The following WDR88 variants were observed in gnomAD, a reference collection of about 807,000 sequenced individuals.
The protein encoded by WDR88 is WD repeat domain 88.
A neutral mutation model predicts 46.8 loss-of-function variants in WDR88; 40 were observed. That is an observed-to-expected ratio of 0.86 (90% CI 0.66 to 1.11). The LOEUF (loss-of-function observed/expected upper bound fraction) is 1.11. Ranked by LOEUF, WDR88 falls within the 50% of genes most tolerant of loss-of-function variation. The pLI is 0.00. For missense variants in WDR88, 562 were observed against 602.4 expected, an observed-to-expected ratio of 0.93 and a Z score of 0.70; for synonymous variants, 235 against 240.7, an observed-to-expected ratio of 0.98 and a Z score of 0.22.
At chr19:33,157,637 ATATG>A (rs1350290632) in intron 7 of WDR88, among the ~76,000 whole-genome samples, 3 of 139,346 alleles carry the variant, frequency 2.2e-5, no homozygotes, top group South Asian at 4.6e-4. Context: ...GTATGTGTAT[ATATG>A]TGTGTGTGTA....
intron 6 of WDR88, among the ~76,000 whole-genome samples, chr19:33,153,190 A>G (rs1296470641): frequency 6.6e-6 from 1 of 150,850 alleles, no homozygotes; most frequent in Non-Finnish European, 1.5e-5. Context: ...AGCTGAGACT[A>G]CAGGTGCACA....
chr19:33,133,171 A>ATAAG (rs903129885), intron 1 of WDR88, among the ~76,000 whole-genome samples: 1 of 92,538 alleles, frequency 1.1e-5, no homozygotes, highest in African/African-American at 3.7e-5. Context: ...AAATAAATAA[A>ATAAG]TAAATAAATA....
At chr19:33,169,666 C>CAA (rs33941385) in intron 9 of WDR88, among the ~76,000 whole-genome samples, 93 of 81,598 alleles carry the variant, frequency 1.1e-3, no homozygotes, top group African/African-American at 1.3e-3. Flanking sequence ...GACCCAGTCT[C>CAA]AAAAAAAAAA....
In WDR88 at chr19:33,164,249, T is replaced by G. The variant is rs956691814; in HGVS notation, c.1133T>G (p.Ile378Ser). The change falls in exon 9 of 11, where the codon ATC (isoleucine) becomes AGC (serine). Residue 378 changes from isoleucine (I) to serine (S), a missense_variant. Physicochemically the swap from Ile to Ser is moderately radical, Grantham distance 142. Transcript: ENST00000355868. ...GCCATTAGCAACAACAAGAAATGGA[T>G]CCTGTCTGCTTCCAAGGTAAAAGTG... ...DVAISNNKKWILSASKDRTMR... is the reference protein window; with the variant it reads ...DVAISNNKKWSLSASKDRTMR... The G allele has an allele frequency of 7.4e-6, 12 of 1,613,956 alleles. No homozygotes were observed. Among genetic ancestry groups the G allele is most frequent in the Non-Finnish European group, 1.0e-5 (12 of 1,179,904 alleles).
At chr19:33,139,543 C>T (rs898139576) in intron 2 of WDR88, among the ~76,000 whole-genome samples, 5 of 152,114 alleles carry the variant, frequency 3.3e-5, no homozygotes, top group African/African-American at 1.2e-4. Context: ...CTACAGACGA[C>T]CTCAAGGGAA....
At chr19:33,170,760 G>T (rs1374068174) in intron 9 of WDR88, among the ~76,000 whole-genome samples, 12 of 152,068 alleles carry the variant, frequency 7.9e-5, no homozygotes, top group African/African-American at 2.9e-4. Context: ...TATTCGGGGG[G>T]CCAAGGCAGG....
intron 10 of WDR88, 134 bp downstream of exon 10, chr19:33,172,574 G>A (rs1599921039): frequency 2.9e-6 from 2 of 693,746 alleles, no homozygotes; most frequent in Non-Finnish European, 2.4e-6. Flanking sequence ...TTGCCCCAGG[G>A]GAGCTTAAAT....
chr19:33,154,778 T>C (rs561607482), intron 6 of WDR88, among the ~76,000 whole-genome samples: 2 of 152,306 alleles, frequency 1.3e-5, no homozygotes, highest in East Asian at 1.9e-4. Flanking sequence ...CAAACCTCCA[T>C]GATATGCCAG....
At chr19:33,173,400 T>C (rs1250749693) in intron 10 of WDR88, among the ~76,000 whole-genome samples, 1 of 152,232 alleles carries the variant, frequency 6.6e-6, no homozygotes, top group Admixed American at 6.5e-5. Flanking sequence ...TATTTTCTGC[T>C]TCACCAGGCA....
At chr19:33,161,450 G>C (rs11084710) in intron 8 of WDR88, among the ~76,000 whole-genome samples, 1 of 151,828 alleles carries the variant, frequency 6.6e-6, no homozygotes, top group Non-Finnish European at 1.5e-5. Flanking sequence ...CTGGTTTCAC[G>C]ATCTCACTGT....
intron 1 of WDR88, among the ~76,000 whole-genome samples, chr19:33,133,407 G>C (rs1401073290): frequency 6.6e-6 from 1 of 151,994 alleles, no homozygotes; most frequent in Non-Finnish European, 1.5e-5. Context: ...AATTAGCCAG[G>C]CATGGTGGTG....
At chr19:33,142,197 A>G (rs933578322) in intron 2 of WDR88, among the ~76,000 whole-genome samples, 2 of 152,032 alleles carry the variant, frequency 1.3e-5, no homozygotes, top group African/African-American at 4.8e-5. Flanking sequence ...TGAGGGTCTC[A>G]AGGAGCCAGC....
chr19:33,174,049 A>C (rs1273462545), intron 10 of WDR88: 4 of 866,956 alleles, frequency 4.6e-6, no homozygotes, highest in Non-Finnish European at 1.8e-6. Flanking sequence ...ACGGGGTTTC[A>C]CCATGTTGGC....
At chr19:33,138,765 C>G (rs1198021200) in intron 2 of WDR88, among the ~76,000 whole-genome samples, 1 of 150,218 alleles carries the variant, frequency 6.7e-6, no homozygotes, top group African/African-American at 2.5e-5. Flanking sequence ...CTCACTACAA[C>G]TTCCGCCTCT....
rs1390996134 is a variant in WDR88 at position 33,151,188 on chromosome 19, C to A, written c.687C>A (p.His229Gln). Residue 229 changes from histidine to glutamine, a missense_variant, in exon 6 of 11, where the codon CAC becomes CAA. Physicochemically the swap from His to Gln is conservative, Grantham distance 24. Coordinates refer to ENST00000355868, the MANE Select transcript of WDR88 (RefSeq NM_173479.4). ...TTCCTCCGTGTTCTGCAGATCATCA[C>A]ACAAGGTCCATCACGTCATGCTGCT... The part of the protein sequence containing the change: ...ITTVSVIKDH[H>Q]TRSITSCCFD... 6.2e-7 allele frequency: 1 copy of A among 1,613,570 alleles called. No individual in the cohort carries two copies. The highest frequency in any genetic ancestry group is 1.1e-5 in the South Asian group (1 of 90,878).
At position 33,162,288 on chromosome 19, in the gene WDR88, C is replaced by T. The variant is rs1222392098; in HGVS notation, c.1080+1792C>T. On this transcript the variant is annotated intron_variant, in intron 8 of 10. Transcript: ENST00000355868. ...TGATCTTGGCTCACTGCAAGTTCCG[C>T]CTCCTGGGTTCACACCATTCTCCTA... 3.9e-5 allele frequency among the ~76,000 whole-genome samples: 6 copies of T among 152,106 alleles called. No homozygotes were observed. In the South Asian group the frequency reaches 1.0e-3, roughly 26 times the overall value.
At chr19:33,157,738 A>ATATATATAT in intron 7 of WDR88, among the ~76,000 whole-genome samples, 1 of 47,560 alleles carries the variant, frequency 2.1e-5, no homozygotes, top group African/African-American at 3.8e-4. Flanking sequence ...TATATATATA[A>ATATATATAT]AATTAAAGAG....
At chr19:33,172,004 C>T (rs556685949) in intron 9 of WDR88, among the ~76,000 whole-genome samples, 1 of 152,248 alleles carries the variant, frequency 6.6e-6, no homozygotes, top group African/African-American at 2.4e-5. Context: ...AACTCCTGAC[C>T]TCACCCACCT....
chr19:33,138,098 G>A (rs989782869), intron 2 of WDR88, among the ~76,000 whole-genome samples: 25 of 151,852 alleles, frequency 1.6e-4, no homozygotes, highest in African/African-American at 5.3e-4. Context: ...GTGCAATGGC[G>A]TGATCTCGGC....
Sources: gnomAD v4.1 joint callset for allele counts (sites outside exome capture counted in the v4.1 genomes callset) on GRCh38, gnomAD v4.1.1 for gene constraint, MANE v1.5 for transcripts, NCBI Gene and HGNC (gene_info 2026-07-23, HGNC 2026-07-21) for gene names.